The following GRID2 variants were observed in gnomAD, a reference collection of about 807,000 sequenced individuals.
GRID2 encodes the protein glutamate ionotropic receptor delta type subunit 2.
GRID2 carries 33 observed loss-of-function variants against 114.8 expected under a neutral mutation model. The ratio of observed to expected loss-of-function variants is 0.29; its 90% CI spans 0.22 to 0.38. GRID2 has a LOEUF of 0.38. GRID2 is among the 10% of genes least tolerant of loss of function. The pLI, the probability that GRID2 is intolerant of heterozygous loss-of-function variation, is 1.00. For synonymous variants in GRID2, 505 were observed against 449.9 expected, an observed-to-expected ratio of 1.12 and a Z score of -1.55; for missense variants, 1,184 against 1,257.7, an observed-to-expected ratio of 0.94 and a Z score of 0.89.
At chr4:93,202,733 A>C (rs1472262457) in intron 4 of GRID2, among the ~76,000 whole-genome samples, 1 of 152,224 alleles carries the variant, frequency 6.6e-6, no homozygotes, top group South Asian at 2.1e-4. Flanking sequence ...GTCTTCTGTT[A>C]TCTACACAAA....
chr4:92,329,002 C>A (rs1726739042), intron 1 of GRID2, among the ~76,000 whole-genome samples: 2 of 151,982 alleles, frequency 1.3e-5, no homozygotes, highest in Non-Finnish European at 2.9e-5. Flanking sequence ...AATTTACTCT[C>A]TGGATGTCCC....
At chr4:93,209,790 C>T (rs1358510536) in intron 5 of GRID2, among the ~76,000 whole-genome samples, 2 of 151,988 alleles carry the variant, frequency 1.3e-5, no homozygotes, top group Non-Finnish European at 2.9e-5. Flanking sequence ...TAATAATAGC[C>T]ATTATGACTG....
chr4:92,579,303 C>T (rs1446406243), intron 1 of GRID2, among the ~76,000 whole-genome samples: 3 of 151,986 alleles, frequency 2.0e-5, no homozygotes, highest in African/African-American at 7.2e-5. Flanking sequence ...TCTATCATCG[C>T]TTTTAACATG....
intron 10 of GRID2, among the ~76,000 whole-genome samples, chr4:93,453,287 G>A (rs1329024488): frequency 6.8e-6 from 1 of 147,516 alleles, no homozygotes; most frequent in Non-Finnish European, 1.5e-5. Context: ...CACCTCTTTA[G>A]GAAGACTATA....
chr4:93,198,393 T>A (rs995318119), intron 4 of GRID2, among the ~76,000 whole-genome samples: 51 of 151,910 alleles, frequency 3.4e-4, no homozygotes, highest in African/African-American at 1.1e-3. Flanking sequence ...GAGACCTAAA[T>A]GAAATGAAGG....
intron 1 of GRID2, among the ~76,000 whole-genome samples, chr4:92,533,460 CAT>C (rs1725452913): frequency 6.6e-6 from 1 of 151,330 alleles, no homozygotes; most frequent in East Asian, 1.9e-4. Context: ...TACATACATA[CAT>C]ACATACATAC....
chr4:93,795,216 A>C lies in GRID2; in HGVS notation c.222-11499A>C, dbSNP rs183854680. 2.0e-3 allele frequency among the ~76,000 whole-genome samples: 301 copies of C among 152,240 alleles called. 1 individual carries two copies. The highest frequency in any genetic ancestry group is 7.0e-3 in the Middle Eastern group (2 of 286). On this transcript the variant is annotated intron_variant, in intron 1 of 1. Transcript: ENST00000637838. Reference sequence around the variant, plus strand: ...ATACATTATTACTATAGTATATAGTAGTGTGACTATAACAGGTAGAAAAAA... The same window carrying C: ...ATACATTATTACTATAGTATATAGTCGTGTGACTATAACAGGTAGAAAAAA...
chr4:93,119,971 T>C (rs1733627809), intron 4 of GRID2, among the ~76,000 whole-genome samples: 1 of 152,196 alleles, frequency 6.6e-6, no homozygotes, highest in Non-Finnish European at 1.5e-5. Context: ...GATGGACAGA[T>C]CGCAAAAATG....
At chr4:93,548,523 A>T (rs1408297121) in intron 13 of GRID2, among the ~76,000 whole-genome samples, 3 of 152,184 alleles carry the variant, frequency 2.0e-5, no homozygotes, top group Non-Finnish European at 4.4e-5. Flanking sequence ...GGGCATAATC[A>T]TTGTGGAAAA....
chr4:93,461,824 A>G (rs945201732), intron 11 of GRID2, among the ~76,000 whole-genome samples: 3 of 152,154 alleles, frequency 2.0e-5, no homozygotes, highest in African/African-American at 7.2e-5. Flanking sequence ...CTCCATGTCT[A>G]CATACATCTC....
At chr4:92,330,302 G>C (rs899473879) in intron 1 of GRID2, among the ~76,000 whole-genome samples, 17 of 152,102 alleles carry the variant, frequency 1.1e-4, no homozygotes, top group East Asian at 3.9e-4. Context: ...AGGATCTGCT[G>C]TTCCTCTTCA....
At chr4:92,737,048 AC>A (rs1238187558) in intron 2 of GRID2, among the ~76,000 whole-genome samples, 1 of 152,104 alleles carries the variant, frequency 6.6e-6, no homozygotes, top group African/African-American at 2.4e-5. Flanking sequence ...ACATTTTTGT[AC>A]TAAGAATTAT....
intron 4 of GRID2, among the ~76,000 whole-genome samples, chr4:93,140,536 A>G (rs1735680561): frequency 6.6e-6 from 1 of 152,056 alleles, no homozygotes; most frequent in South Asian, 2.1e-4. Flanking sequence ...AACTTCATCT[A>G]TTCCTCCAAT....
chr4:92,451,901 T>C (rs1453503106), intron 1 of GRID2, among the ~76,000 whole-genome samples: 2 of 152,190 alleles, frequency 1.3e-5, no homozygotes, highest in African/African-American at 4.8e-5. Flanking sequence ...GTTTGTAATA[T>C]AGCCAGATAA....
chr4:92,899,965 T>C (rs958028698), intron 2 of GRID2, among the ~76,000 whole-genome samples: 7 of 151,990 alleles, frequency 4.6e-5, no homozygotes, highest in African/African-American at 1.4e-4. Context: ...GTCAAGAAAT[T>C]AGATGGGAGA....
At chr4:93,081,483 AG>A (rs1406561117) in intron 2 of GRID2, among the ~76,000 whole-genome samples, 1 of 152,182 alleles carries the variant, frequency 6.6e-6, no homozygotes, top group Non-Finnish European at 1.5e-5. Context: ...GTGACCACAA[AG>A]GGCAAAAGTG....
intron 1 of GRID2, among the ~76,000 whole-genome samples, chr4:92,440,730 G>T (rs996643438): frequency 6.6e-6 from 1 of 151,894 alleles, no homozygotes; most frequent in Non-Finnish European, 1.5e-5. Flanking sequence ...TAAATCAAGC[G>T]TGATCAGGGT....
At chr4:93,447,627 CAATT>C (rs1223670652) in intron 10 of GRID2, among the ~76,000 whole-genome samples, 1 of 151,814 alleles carries the variant, frequency 6.6e-6, no homozygotes, top group East Asian at 1.9e-4. Flanking sequence ...AAATAGAAGA[CAATT>C]AAATATATGT....
At chr4:92,751,245 A>G (rs769458090) in intron 2 of GRID2, among the ~76,000 whole-genome samples, 13 of 152,188 alleles carry the variant, frequency 8.5e-5, no homozygotes, top group Admixed American at 2.6e-4. Context: ...AGAAAATGCA[A>G]AAAGATACGT....
Sources: gnomAD v4.1 joint callset for allele counts (sites outside exome capture counted in the v4.1 genomes callset) on GRCh38, gnomAD v4.1.1 for gene constraint, MANE v1.5 for transcripts, NCBI Gene and HGNC (gene_info 2026-07-23, HGNC 2026-07-21) for gene names.